Variants in ZNF233 observed in about 807,000 individuals in gnomAD.
ZNF233 encodes zinc finger protein 233.
In ZNF233, 7 loss-of-function variants were observed where a neutral mutation model predicts 11.6. That is an observed-to-expected ratio of 0.60 (90% CI 0.34 to 1.13). The LOEUF (loss-of-function observed/expected upper bound fraction) is 1.13. ZNF233 is among the 50% of genes most tolerant of loss of function. The probability of loss-of-function intolerance (pLI) is 0.03; values close to 1 mark genes in which losing one functional copy is unlikely to be tolerated. For missense variants in ZNF233, 711 were observed against 785.5 expected (o/e 0.91, Z 1.13); for synonymous variants, 226 against 268.5 (o/e 0.84, Z 1.55).
intron 2 of ZNF233, 107 bp from the exon 3 acceptor site, chr19:44,266,091 C>A: frequency 7.8e-7 from 1 of 1,281,622 alleles, no homozygotes; most frequent in Non-Finnish European, 1.0e-6. Flanking sequence ...TCGAGGCCCT[C>A]ACAATCCAGA....
At chr19:44,264,244 T>A in intron 1 of ZNF233, 70 bp from the exon 2 acceptor site, 1 of 1,062,698 alleles carries the variant, frequency 9.4e-7, no homozygotes, top group Non-Finnish European at 1.4e-6. Flanking sequence ...CCGGCCACCT[T>A]TTAAAAATTC....
chr19:44,267,752 C>G (rs1185414063), intron 4 of ZNF233: 1 of 219,764 alleles, frequency 4.6e-6, no homozygotes, highest in Admixed American at 5.8e-5. Context: ...CTCATACATC[C>G]TCTTGGCTCC....
intron 4 of ZNF233, among the ~76,000 whole-genome samples, chr19:44,268,731 T>C (rs1185971378): frequency 6.6e-6 from 1 of 152,190 alleles, no homozygotes; most frequent in African/African-American, 2.4e-5. Context: ...GCCTCATCCA[T>C]ACACCCAGTG....
At chr19:44,266,675 G>C (rs1301673936) in intron 3 of ZNF233, among the ~76,000 whole-genome samples, 191 bp from the exon 4 acceptor site, 1 of 152,150 alleles carries the variant, frequency 6.6e-6, no homozygotes, top group Non-Finnish European at 1.5e-5. Flanking sequence ...CAAATTATCT[G>C]ATCACTTGAT....
In ZNF233 at chr19:44,274,816, G is replaced by A. The variant is rs1041240233; in HGVS notation, c.*143G>A. The A allele has an allele frequency of 1.4e-6, 1 of 711,074 alleles. No homozygotes were observed. Among genetic ancestry groups the A allele is most frequent in the African/African-American group, 1.8e-5 (1 of 55,780 alleles). The allele number at this position is 711,074 out of a possible 1,614,324, so 44.0% of individuals were successfully genotyped here. On this transcript the variant is annotated 3_prime_UTR_variant, in exon 5 of 5. Coordinates refer to ENST00000683810, the MANE Select transcript of ZNF233 (RefSeq NM_001207005.2). ...AGAATTCATGAGCTGAGTTTTTATA[G>A]TTATCTGAATTCCATTGAAGAAAAC...
intron 1 of ZNF233, among the ~76,000 whole-genome samples, chr19:44,261,927 C>CA (rs1194030777): frequency 1.3e-5 from 2 of 152,144 alleles, no homozygotes; most frequent in Non-Finnish European, 2.9e-5. Flanking sequence ...GCTGGGATTA[C>CA]AGGCGTGAGC....
chr19:44,264,680 A>T (rs1429133470), intron 2 of ZNF233, among the ~76,000 whole-genome samples: 1 of 152,186 alleles, frequency 6.6e-6, no homozygotes, highest in African/African-American at 2.4e-5. Context: ...ACTATTTTAT[A>T]TGTATTTACA....
intron 4 of ZNF233, among the ~76,000 whole-genome samples, chr19:44,271,700 C>T (rs896452401): frequency 1.1e-4 from 17 of 151,850 alleles, no homozygotes; most frequent in Admixed American, 2.0e-4. Flanking sequence ...TTAGTAGAGA[C>T]GGGGTTTCAC....
Position 44,274,378 on chromosome 19 carries a change from T to A in ZNF233, c.1718T>A (p.Phe573Tyr). ...AAATGTGATGTGTGTGGGAAAGGCT[T>A]CAGTTGGAGTTCACATCTTCAAGCC... ...PYKCDVCGKG[F>Y]SWSSHLQAHQ... Residue 573 changes from phenylalanine (F) to tyrosine (Y), a missense_variant, in exon 5 of 5, where the codon TTC (phenylalanine) becomes TAC (tyrosine). Phe to Tyr is a conservative substitution (Grantham distance 22). Transcript: ENST00000683810. 1.2e-6 allele frequency: 2 copies of A among 1,614,100 alleles called. No individual in the cohort carries two copies. The highest frequency in any genetic ancestry group is 1.7e-6 in the Non-Finnish European group (2 of 1,180,024).
intron 4 of ZNF233, 30 bp downstream of exon 4, chr19:44,266,991 G>A (rs750523558): frequency 2.2e-5 from 34 of 1,572,542 alleles, no homozygotes; most frequent in East Asian, 1.8e-4. Context: ...GAGTCTTTGC[G>A]GGGTACAGCC....
rs893988104 is a variant in ZNF233, at chr19:44,274,195, C to T, written c.1535C>T (p.Thr512Ile). ...GGAGAGAAACCCTACAAATGTGACA[C>T]ATGTGGGAAGGACTTCAGTCAGATC... ...HTGEKPYKCDTCGKDFSQISH... is the reference protein window; with the variant it reads ...HTGEKPYKCDICGKDFSQISH... Residue 512 changes from threonine (T) to isoleucine (I), a missense_variant, in exon 5 of 5, where the codon ACA becomes ATA. Coordinates refer to ENST00000683810, the MANE Select transcript of ZNF233 (RefSeq NM_001207005.2). The T allele has an allele frequency of 9.9e-6, 16 of 1,611,566 alleles. No homozygotes were observed. The highest frequency in any genetic ancestry group is 5.0e-5 in the Admixed American group (3 of 59,834).
chr19:44,266,755 G>A (rs897409821), intron 3 of ZNF233, 111 bp from the exon 4 acceptor site: 1 of 696,902 alleles, frequency 1.4e-6, no homozygotes, highest in African/African-American at 1.8e-5. Context: ...AATAGCTCAT[G>A]ATCACAATTT....
rs188285678 is a variant in ZNF233, at chr19:44,274,918, A to G, written c.*245A>G. ...TTGTCAAGAGAACACACAACAGAGA[A>G]ACCCTATAAAGAATGATACAATATG... On this transcript the variant is annotated 3_prime_UTR_variant, in exon 5 of 5. Transcript: ENST00000683810. 3.5e-4 allele frequency: 162 copies of G among 465,644 alleles called. 1 individual carries two copies. Among genetic ancestry groups the G allele is most frequent in the African/African-American group, 2.8e-3 (142 of 51,144 alleles). The allele number at this position is 465,644 out of a possible 1,614,324, so 28.8% of individuals were successfully genotyped here. A position where few individuals can be genotyped will look rare whatever the true frequency, so the allele number is the denominator to read the frequency against.
intron 1 of ZNF233, among the ~76,000 whole-genome samples, chr19:44,262,675 GTA>G (rs1238387275): frequency 6.6e-6 from 1 of 152,150 alleles, no homozygotes; most frequent in Non-Finnish European, 1.5e-5. Context: ...ACGAACAGGA[GTA>G]GCTATCTGTA....
rs1310636433 is a variant in ZNF233, at chr19:44,264,766, T to C, written c.15+391T>C. Among the ~76,000 whole-genome samples the C allele has an allele frequency of 2.1e-5, 3 of 139,838 alleles. No homozygotes were observed. In the East Asian group the frequency reaches 6.1e-4, roughly 28 times the overall value. The allele number at this position is 139,838 out of a possible 152,430, so 91.7% of individuals were successfully genotyped here. A position where few individuals can be genotyped will look rare whatever the true frequency, so the allele number is the denominator to read the frequency against. On this transcript the variant is annotated intron_variant, in intron 2 of 4. Transcript: ENST00000683810. ...TCACATTCTATATACAATTTTCTTTTTTCAGTTAATGTTGTTACTAGAGTT... is the reference window on the plus strand; with the variant it reads ...TCACATTCTATATACAATTTTCTTTCTTCAGTTAATGTTGTTACTAGAGTT...
chr19:44,260,372 T>A (rs1374931374), intron 1 of ZNF233, among the ~76,000 whole-genome samples: 1 of 152,188 alleles, frequency 6.6e-6, no homozygotes, highest in Non-Finnish European at 1.5e-5. Flanking sequence ...CAATCTGTTA[T>A]TTCTTCCTGG....
At chr19:44,262,413 G>C (rs1435480177) in intron 1 of ZNF233, among the ~76,000 whole-genome samples, 1 of 152,184 alleles carries the variant, frequency 6.6e-6, no homozygotes, top group African/African-American at 2.4e-5. Flanking sequence ...GCCTCGAAAA[G>C]TGGCCCTGGT....
At chr19:44,264,509 C>A in intron 2 of ZNF233, 134 bp downstream of exon 2, 1 of 755,824 alleles carries the variant, frequency 1.3e-6, no homozygotes, top group Non-Finnish European at 2.0e-6. Flanking sequence ...ACTTGATTTT[C>A]GATTGGTTCA....
intron 4 of ZNF233, chr19:44,267,896 G>C (rs1435463842): frequency 6.6e-6 from 1 of 151,842 alleles, no homozygotes; most frequent in Non-Finnish European, 1.5e-5. Context: ...TGCAACCTCT[G>C]ACTCCCTGGA....
Sources: gnomAD v4.1 joint callset for allele counts (sites outside exome capture counted in the v4.1 genomes callset) on GRCh38, gnomAD v4.1.1 for gene constraint, MANE v1.5 for transcripts, NCBI Gene and HGNC (gene_info 2026-07-23, HGNC 2026-07-21) for gene names.